ITPRID1: variants seen among roughly 807,000 people sequenced by gnomAD.
ITPRID1 encodes ITPR interacting domain containing 1, also known as protein ITPRID1.
In ITPRID1, 96 loss-of-function variants were observed where a neutral mutation model predicts 95.4. The observed-to-expected ratio is 1.01, with a 90% CI of 0.85 to 1.19. The LOEUF is 1.19. Ranked by LOEUF, ITPRID1 falls within the 50% of genes most tolerant of loss-of-function variation. ITPRID1 has a pLI of 0.00. For synonymous variants in ITPRID1, 510 were observed against 453.6 expected (o/e 1.12, Z -1.58); for missense variants, 1,339 against 1,252.9 (o/e 1.07, Z -1.04).
chr7:31,616,248 TA>T (rs1408319887), intron 10 of ITPRID1, among the ~76,000 whole-genome samples: 1 of 152,206 alleles, frequency 6.6e-6, no homozygotes, highest in Non-Finnish European at 1.5e-5. Context: ...TTGATTAATT[TA>T]AATGTAAGTT....
At chr7:31,567,383 G>T (rs1438537370) in intron 5 of ITPRID1, among the ~76,000 whole-genome samples, 1 of 152,056 alleles carries the variant, frequency 6.6e-6, no homozygotes, top group Admixed American at 6.6e-5. Context: ...CTAAACAAAG[G>T]ATAGTAAATA....
At chr7:31,569,854 C>T (rs1784924731) in intron 6 of ITPRID1, 45 bp downstream of exon 6, 1 of 1,484,988 alleles carries the variant, frequency 6.7e-7, no homozygotes, top group African/African-American at 1.4e-5. Flanking sequence ...ATTTTGCAGC[C>T]ACACCTTTGC....
At chr7:31,594,931 A>G (rs538638134) in intron 10 of ITPRID1, among the ~76,000 whole-genome samples, 1 of 152,114 alleles carries the variant, frequency 6.6e-6, no homozygotes, top group African/African-American at 2.4e-5. Flanking sequence ...AAAATAATAC[A>G]AGAGGATAAA....
At chr7:31,607,507 C>T (rs1392728786) in intron 10 of ITPRID1, among the ~76,000 whole-genome samples, 2 of 152,048 alleles carry the variant, frequency 1.3e-5, no homozygotes, top group Non-Finnish European at 2.9e-5. Flanking sequence ...GCTCCATTGT[C>T]TTCTTGTGTT....
chr7:31,613,932 A>C (rs1005280899), intron 10 of ITPRID1, among the ~76,000 whole-genome samples: 3 of 152,200 alleles, frequency 2.0e-5, no homozygotes, highest in Admixed American at 6.5e-5. Flanking sequence ...TTCCTTATGG[A>C]AATATTCCAT....
chr7:31,647,435 G>A (rs542146253), intron 12 of ITPRID1, among the ~76,000 whole-genome samples: 9 of 152,084 alleles, frequency 5.9e-5, no homozygotes, highest in African/African-American at 2.2e-4. Flanking sequence ...GCCAAGATGG[G>A]TGGATCACCT....
chr7:31,641,640 G>A (rs1396420404), intron 10 of ITPRID1, among the ~76,000 whole-genome samples: 1 of 152,154 alleles, frequency 6.6e-6, no homozygotes, highest in Non-Finnish European at 1.5e-5. Flanking sequence ...ACGTGACTTT[G>A]CCCTTTCTCT....
In ITPRID1 at chr7:31,654,483, C is replaced by T. The variant is rs558624770; in HGVS notation, c.*1654C>T. Among the ~76,000 whole-genome samples the T allele has an allele frequency of 8.5e-5, 13 of 152,286 alleles. No individual in the cohort carries two copies. Among genetic ancestry groups the T allele is most frequent in the African/African-American group, 2.4e-4 (10 of 41,574 alleles). ...CAGGGTCGTCATATAATCTGATTTACGTTTTGAAGTCATGCTGGCTGCTTT... is the reference window on the plus strand; with the variant it reads ...CAGGGTCGTCATATAATCTGATTTATGTTTTGAAGTCATGCTGGCTGCTTT... On this transcript the variant is annotated 3_prime_UTR_variant, in exon 15 of 15. Transcript: ENST00000615280.
chr7:31,601,923 T>A (rs1786410286), intron 10 of ITPRID1, among the ~76,000 whole-genome samples: 1 of 152,186 alleles, frequency 6.6e-6, no homozygotes, highest in Non-Finnish European at 1.5e-5. Flanking sequence ...TTGAGTCCAA[T>A]TGCTTAATTT....
chr7:31,617,679 C>A (rs771672937), intron 10 of ITPRID1, among the ~76,000 whole-genome samples: 1 of 151,970 alleles, frequency 6.6e-6, no homozygotes, highest in Non-Finnish European at 1.5e-5. Context: ...ATACTCTTGT[C>A]ATTTTCTGAT....
At chr7:31,555,145 A>G (rs1433697588) in intron 5 of ITPRID1, 2 of 426,684 alleles carry the variant, frequency 4.7e-6, no homozygotes, top group African/African-American at 4.0e-5. Flanking sequence ...GGCTCAGAGT[A>G]TAGCATAAAC....
At chr7:31,551,756 C>A in intron 2 of ITPRID1, 1 of 244,182 alleles carries the variant, frequency 4.1e-6, no homozygotes, top group Non-Finnish European at 8.4e-6. Context: ...AATGGTTTGC[C>A]TTTTGCAAAC....
At chr7:31,599,363 T>A (rs573995482) in intron 10 of ITPRID1, among the ~76,000 whole-genome samples, 5 of 152,092 alleles carry the variant, frequency 3.3e-5, no homozygotes, top group South Asian at 2.1e-4. Context: ...TGTATATTAA[T>A]AATGTGCAAA....
Position 31,578,356 on chromosome 7 carries a change from G to T in ITPRID1, c.1092G>T (p.Glu364Asp), listed in dbSNP as rs372373590. The change falls in exon 9 of 15, where the codon GAG (glutamate) becomes GAT (aspartate). Residue 364 changes from glutamate (E) to aspartate (D), a missense_variant. Glu to Asp is a conservative substitution (Grantham distance 45, BLOSUM62 2). Transcript: ENST00000615280. ...CAGTCAAGGGCAGAACTCAGAAGGA[G>T]AACTTATTTCAGACTAACAAGCTCA... ...EGSVKGRTQK[E>D]NLFQTNKLKS... 3 of 1,613,724 alleles carry T rather than the reference G, an allele frequency of 1.9e-6. No homozygotes were observed. Among genetic ancestry groups the T allele is most frequent in the African/African-American group, 1.3e-5 (1 of 74,914 alleles).
At chr7:31,544,955 A>C (rs752993262) in intron 1 of ITPRID1, among the ~76,000 whole-genome samples, 3 of 152,138 alleles carry the variant, frequency 2.0e-5, no homozygotes, top group Non-Finnish European at 4.4e-5. Flanking sequence ...TATATCTTGA[A>C]CTAAGTACCA....
chr7:31,632,373 G>A (rs533350499), intron 10 of ITPRID1, among the ~76,000 whole-genome samples: 59 of 152,208 alleles, frequency 3.9e-4, no homozygotes, highest in African/African-American at 1.3e-3. Flanking sequence ...GCTTGAACCC[G>A]GGAGGCAGAG....
At chr7:31,640,433 A>T (rs1027877300) in intron 10 of ITPRID1, among the ~76,000 whole-genome samples, 3 of 151,594 alleles carry the variant, frequency 2.0e-5, no homozygotes, top group Admixed American at 2.0e-4. Context: ...TGCCCTTTGA[A>T]CTCTAGCTGG....
intron 10 of ITPRID1, among the ~76,000 whole-genome samples, chr7:31,591,163 A>C (rs940799282): frequency 7.9e-5 from 12 of 152,352 alleles, no homozygotes; most frequent in Non-Finnish European, 1.8e-4. Context: ...CATCAATTAT[A>C]AGATGAATGA....
chr7:31,520,786 A>G (rs566149063), intron 1 of ITPRID1, among the ~76,000 whole-genome samples: 52 of 152,114 alleles, frequency 3.4e-4, no homozygotes, highest in Non-Finnish European at 7.2e-4. Context: ...CCATGTATAT[A>G]CATATACCCA....
Sources: gnomAD v4.1 joint callset for allele counts (sites outside exome capture counted in the v4.1 genomes callset) on GRCh38, gnomAD v4.1.1 for gene constraint, MANE v1.5 for transcripts, NCBI Gene and HGNC (gene_info 2026-07-23, HGNC 2026-07-21) for gene names.